CABIN1: variants seen among roughly 807,000 people sequenced by gnomAD.
The protein encoded by CABIN1 is calcineurin-binding protein cabin-1.
CABIN1 carries 133 observed loss-of-function variants against 227.7 expected under a neutral mutation model. The observed-to-expected ratio is 0.58, with a 90% CI of 0.51 to 0.67. The LOEUF is 0.67. CABIN1 is among the 30% of genes least tolerant of loss of function. The pLI, the probability that CABIN1 is intolerant of heterozygous loss-of-function variation, is 0.00. For synonymous variants in CABIN1, 1,086 were observed against 1,155.1 expected (o/e 0.94, Z 1.21); for missense variants, 2,408 against 2,852.5 (o/e 0.84, Z 3.55).
chr22:24,038,569 C>T, intron 4 of CABIN1, 108 bp downstream of exon 4: 1 of 787,256 alleles, frequency 1.3e-6, no homozygotes, highest in Non-Finnish European at 2.2e-6. Context: ...GCTGGGGAAC[C>T]TTGAAAACAT....
intron 24 of CABIN1, among the ~76,000 whole-genome samples, chr22:24,094,274 C>G (rs921019913): frequency 3.3e-5 from 5 of 152,120 alleles, no homozygotes; most frequent in Non-Finnish European, 7.4e-5. Flanking sequence ...ATGTTTTTTT[C>G]TTCAAGATTT....
At position 24,087,753 on chromosome 22, in the gene CABIN1, G is replaced by A. The variant is rs769211854; in HGVS notation, c.3525+40G>A. On this transcript the variant is annotated intron_variant, in intron 23 of 36. Coordinates refer to ENST00000263119, the MANE Select transcript of CABIN1 (RefSeq NM_012295.4). ...CTGCAGATGGGCTTGCCATCCTTCT[G>A]TCCAGACAGAGTGCCCTCAGGTCAA... 5.0e-6 allele frequency: 8 copies of A among 1,611,278 alleles called. No individual in the cohort carries two copies. The African/African-American group carries it at 6.7e-5, about 13-fold the overall frequency.
intron 31 of CABIN1, among the ~76,000 whole-genome samples, chr22:24,165,920 C>G (rs1569309078): frequency 6.6e-6 from 1 of 152,246 alleles, no homozygotes; most frequent in Non-Finnish European, 1.5e-5. Context: ...GTCCCAAGCC[C>G]TCTCCCTGGC....
Position 24,076,434 on chromosome 22 carries a change from T to A in CABIN1, c.2748+150T>A. On this transcript the variant is annotated intron_variant, in intron 19 of 36. Coordinates refer to ENST00000263119, the MANE Select transcript of CABIN1 (RefSeq NM_012295.4). ...ACTGTGTGTCTTTGACTTACTGCAT[T>A]TCTCACTGTAGTTACCGAAGCTTGT... 8 of 703,078 alleles carry A rather than the reference T, an allele frequency of 1.1e-5. No individual in the cohort carries two copies. In the South Asian group the frequency reaches 1.2e-4, roughly 11 times the overall value. The allele number at this position is 703,078 out of a possible 1,614,324, so 43.6% of individuals were successfully genotyped here.
At chr22:24,086,231 C>T (rs1174579750) in intron 22 of CABIN1, among the ~76,000 whole-genome samples, 1 of 152,212 alleles carries the variant, frequency 6.6e-6, no homozygotes, top group African/African-American at 2.4e-5. Context: ...CTTACTGCGC[C>T]ACAGTTCAGG....
chr22:24,157,280 C>T (rs2045889053), intron 29 of CABIN1, among the ~76,000 whole-genome samples: 1 of 152,180 alleles, frequency 6.6e-6, no homozygotes, highest in Non-Finnish European at 1.5e-5. Context: ...CCCTCAGCTC[C>T]TCAGGGCATC....
chr22:24,172,125 C>T (rs535766459), intron 34 of CABIN1, 130 bp downstream of exon 34: 67 of 1,178,730 alleles, frequency 5.7e-5, no homozygotes, highest in East Asian at 4.4e-4. Context: ...CACAGGGTGG[C>T]GGGGCAGGTG....
In CABIN1 at chr22:24,111,894, G is replaced by A. The variant is rs765792073; in HGVS notation, c.4118-1672G>A. Among the ~76,000 whole-genome samples the A allele has an allele frequency of 3.9e-5, 6 of 152,132 alleles. No individual in the cohort carries two copies. In the East Asian group the frequency reaches 5.8e-4, roughly 15 times the overall value. On this transcript the variant is annotated intron_variant, in intron 26 of 36. Coordinates refer to ENST00000263119, the MANE Select transcript of CABIN1 (RefSeq NM_012295.4). Reference sequence around the variant, plus strand: ...GCTGCAATGTCTGGGAAAGGCATTCGTCATCTCTGTTACTGTGTTTTTTAT... The same window carrying A: ...GCTGCAATGTCTGGGAAAGGCATTCATCATCTCTGTTACTGTGTTTTTTAT...
intron 28 of CABIN1, among the ~76,000 whole-genome samples, chr22:24,121,445 A>G (rs1023748285): frequency 7.2e-5 from 11 of 152,202 alleles, no homozygotes; most frequent in South Asian, 4.1e-4. Context: ...GGTGCAGTGC[A>G]TGCTAGCAAA....
chr22:24,021,090 C>T (rs555528157), intron 1 of CABIN1, among the ~76,000 whole-genome samples: 181 of 151,782 alleles, frequency 1.2e-3, no homozygotes, highest in Non-Finnish European at 1.5e-3. Flanking sequence ...GCCTTGAACT[C>T]CTGGGTTCAA....
At chr22:24,128,707 G>C (rs2043883850) in intron 28 of CABIN1, among the ~76,000 whole-genome samples, 1 of 152,228 alleles carries the variant, frequency 6.6e-6, no homozygotes. Flanking sequence ...GAACCCGTGA[G>C]CACCATCTGT....
chr22:24,091,890 T>C, intron 24 of CABIN1, 47 bp downstream of exon 24: 1 of 1,604,924 alleles, frequency 6.2e-7, no homozygotes, highest in Non-Finnish European at 8.5e-7. Flanking sequence ...AGGGGCAGGC[T>C]GGTTTCTTTA....
chr22:24,139,984 G>T (rs2044655135), intron 29 of CABIN1, among the ~76,000 whole-genome samples: 1 of 152,244 alleles, frequency 6.6e-6, no homozygotes, highest in Non-Finnish European at 1.5e-5. Context: ...TCCATGCGGG[G>T]CCTTCATAAC....
chr22:24,020,944 T>A (rs895116166), intron 1 of CABIN1, among the ~76,000 whole-genome samples: 18 of 152,228 alleles, frequency 1.2e-4, no homozygotes, highest in African/African-American at 3.9e-4. Context: ...TCCTCTGTTA[T>A]GTTGTTTAGA....
In CABIN1 at chr22:24,123,775, A is replaced by G. The variant is rs540846193; in HGVS notation, c.4632+4077A>G. On this transcript the variant is annotated intron_variant, in intron 28 of 36. Coordinates refer to ENST00000263119, the MANE Select transcript of CABIN1 (RefSeq NM_012295.4). ...CAAACACAGCTGTTTGTTAACAAAC[A>G]CTTCCCGCTGTGTATATTTGACAGC... 1.3e-3 allele frequency among the ~76,000 whole-genome samples: 193 copies of G among 152,378 alleles called. 1 individual carries two copies. The highest frequency in any genetic ancestry group is 4.4e-3 in the African/African-American group (185 of 41,592).
Position 24,047,560 on chromosome 22 carries a change from G to C in CABIN1, c.527-1531G>C, listed in dbSNP as rs985756105. The stretch of plus-strand genomic sequence containing the variant: ...GCACCTTTGGACCATCTATTGAGCA[G>C]CGTGGACTGTGCTGGGATTGTACAG... On this transcript the variant is annotated intron_variant, in intron 6 of 36. Transcript: ENST00000263119. Among the ~76,000 whole-genome samples, 6 of 152,196 alleles carry C rather than the reference G, an allele frequency of 3.9e-5. No individual in the cohort carries two copies. In the South Asian group the frequency reaches 1.2e-3, roughly 31 times the overall value.
At chr22:24,119,267 C>A in intron 27 of CABIN1, 100 bp from the exon 28 acceptor site, 1 of 1,006,292 alleles carries the variant, frequency 9.9e-7, no homozygotes, top group Non-Finnish European at 1.6e-6. Context: ...TCCAGCCGTG[C>A]TGATCACTTC....
chr22:24,110,617 G>C (rs1444618963), intron 26 of CABIN1, among the ~76,000 whole-genome samples: 1 of 132,220 alleles, frequency 7.6e-6, no homozygotes, highest in South Asian at 2.7e-4. Flanking sequence ...CTCAGTTTTT[G>C]TTTGCCTGGA....
intron 22 of CABIN1, 47 bp downstream of exon 22, chr22:24,085,198 G>T (rs745625484): frequency 3.1e-6 from 5 of 1,608,546 alleles, no homozygotes; most frequent in Non-Finnish European, 3.4e-6. Context: ...GGATGACTGG[G>T]GTGACTCCAG....
Sources: allele counts gnomAD v4.1 joint callset (sites outside exome capture counted in the v4.1 genomes callset), GRCh38; gene constraint gnomAD v4.1.1; transcripts MANE v1.5; gene names NCBI Gene and HGNC (gene_info 2026-07-23, HGNC 2026-07-21).